Variants in KIAA1958 observed in about 807,000 individuals in gnomAD.
KIAA1958 encodes uncharacterized protein KIAA1958.
In KIAA1958, 14 loss-of-function variants were observed where a neutral mutation model predicts 47.2. The observed-to-expected ratio is 0.30, with a 90% CI of 0.20 to 0.46. The LOEUF is 0.46. KIAA1958 is among the 20% of genes least tolerant of loss of function. The pLI is 1.00. For missense variants in KIAA1958, 803 were observed against 909.2 expected, an observed-to-expected ratio of 0.88 and a Z score of 1.50; for synonymous variants, 354 against 353.3, an observed-to-expected ratio of 1.00 and a Z score of -0.02.
intron 1 of KIAA1958, among the ~76,000 whole-genome samples, chr9:112,507,776 T>G (rs765381865): frequency 6.6e-6 from 1 of 151,856 alleles, no homozygotes; most frequent in Non-Finnish European, 1.5e-5. Flanking sequence ...CTCTCTTTCT[T>G]TCTTTCTTTC....
Position 112,663,629 on chromosome 9 carries a change from T to A in KIAA1958, c.*3560T>A, listed in dbSNP as rs2131258681. Reference sequence around the variant, plus strand: ...CAAGTGAAGGAAGAACAGAAAAGCCTTATGGGGCTTTATGAGAAGGTTTTT... The same window carrying A: ...CAAGTGAAGGAAGAACAGAAAAGCCATATGGGGCTTTATGAGAAGGTTTTT... On this transcript the variant is annotated 3_prime_UTR_variant, in exon 4 of 4. Coordinates refer to ENST00000337530, the MANE Select transcript of KIAA1958 (RefSeq NM_133465.4). 2 of 152,258 alleles carry A rather than the reference T, an allele frequency of 1.3e-5. No individual in the cohort carries two copies. The highest frequency in any genetic ancestry group is 4.1e-4 in the South Asian group (2 of 4,822). The allele number at this position is 152,258 out of a possible 1,614,324, so 9.4% of individuals were successfully genotyped here. A position where few individuals can be genotyped will look rare whatever the true frequency, so the allele number is the denominator to read the frequency against.
chr9:112,497,133 G>A (rs1489495707), intron 1 of KIAA1958, among the ~76,000 whole-genome samples: 1 of 152,036 alleles, frequency 6.6e-6, no homozygotes, highest in Non-Finnish European at 1.5e-5. Context: ...TTTCCCCAGT[G>A]GTAACATATT....
In KIAA1958 at chr9:112,618,649, T is replaced by G. The variant is rs1457206613; in HGVS notation, c.1172-27001T>G. On this transcript the variant is annotated intron_variant, in intron 2 of 3. Transcript: ENST00000337530. This position sits in a 1 kb window ranked among gnomAD's most constrained non-coding sequence, Gnocchi z 7.1. ...TCAAGCCAGTCGTGAACCTGGCGGC[T>G]CTGCATTGGTACAACTGCCAGGCCC... The G allele has an allele frequency of 1.9e-6, 3 of 1,550,604 alleles. No individual in the cohort carries two copies. In the African/African-American group the frequency reaches 4.1e-5, roughly 21 times the overall value.
chr9:112,487,403 C>G (rs1002818326), intron 1 of KIAA1958, among the ~76,000 whole-genome samples: 1 of 151,906 alleles, frequency 6.6e-6, no homozygotes, highest in Non-Finnish European at 1.5e-5. Context: ...GGCCGCCCCG[C>G]CGCCCGGCAG....
intron 1 of KIAA1958, among the ~76,000 whole-genome samples, chr9:112,557,811 A>G (rs1588017067): frequency 6.6e-6 from 1 of 152,346 alleles, no homozygotes; most frequent in African/African-American, 2.4e-5. Flanking sequence ...ATAAAATTCA[A>G]CAGCTTTTCC....
At chr9:112,526,257 ATTT>A (rs11326472) in intron 1 of KIAA1958, among the ~76,000 whole-genome samples, 1 of 150,430 alleles carries the variant, frequency 6.6e-6, no homozygotes, top group Non-Finnish European at 1.5e-5. Flanking sequence ...AAACTGGGTA[ATTT>A]TTTTTTTTCT....
chr9:112,537,225 C>G (rs1834870231), intron 1 of KIAA1958, among the ~76,000 whole-genome samples: 1 of 152,118 alleles, frequency 6.6e-6, no homozygotes, highest in South Asian at 2.1e-4. Context: ...CCCGCCTCAG[C>G]CTCCCGAGTA....
At chr9:112,511,395 G>A (rs746308027) in intron 1 of KIAA1958, among the ~76,000 whole-genome samples, 10 of 152,198 alleles carry the variant, frequency 6.6e-5, no homozygotes, top group Non-Finnish European at 1.2e-4. Flanking sequence ...GGATCCATCC[G>A]AGCTTAGTGG....
intron 3 of KIAA1958, among the ~76,000 whole-genome samples, chr9:112,646,149 T>A (rs990770658): frequency 6.6e-6 from 1 of 151,996 alleles, no homozygotes; most frequent in African/African-American, 2.4e-5. Context: ...GGGAGCCTTC[T>A]AGGCTGAGTG....
Position 112,661,193 on chromosome 9 carries a change from C to G in KIAA1958, c.*1124C>G, listed in dbSNP as rs1837271398. ...CTTGGGACACGATGATTTAGGCACC[C>G]CACCAGGTAAGCAAACTCAGCATTA... is the stretch of plus-strand genomic sequence containing the variant. On this transcript the variant is annotated 3_prime_UTR_variant, in exon 4 of 4. Transcript: ENST00000337530. The G allele has an allele frequency of 6.6e-6, 1 of 152,120 alleles. No individual in the cohort carries two copies. The highest frequency in any genetic ancestry group is 2.4e-5 in the African/African-American group (1 of 41,412). The allele number at this position is 152,120 out of a possible 1,614,324, so 9.4% of individuals were successfully genotyped here.
At chr9:112,563,553 C>T (rs1835375038) in intron 1 of KIAA1958, among the ~76,000 whole-genome samples, 1 of 150,606 alleles carries the variant, frequency 6.6e-6, no homozygotes, top group East Asian at 2.0e-4. Context: ...AATAATTGAG[C>T]TCTTAATATT....
intron 2 of KIAA1958, among the ~76,000 whole-genome samples, chr9:112,592,602 A>G (rs1835943372): frequency 6.6e-6 from 1 of 152,220 alleles, no homozygotes; most frequent in South Asian, 2.1e-4. Flanking sequence ...ATTGATAACT[A>G]TTAGCTGCTG....
chr9:112,569,253 G>A (rs756810347), intron 1 of KIAA1958, among the ~76,000 whole-genome samples: 1 of 152,148 alleles, frequency 6.6e-6, no homozygotes, highest in African/African-American at 2.4e-5. Flanking sequence ...TCTGTATTGT[G>A]AGTAGGTGGA....
At chr9:112,634,924 ATCAGTCACATT>A (rs1836777549) in intron 2 of KIAA1958, among the ~76,000 whole-genome samples, 1 of 151,910 alleles carries the variant, frequency 6.6e-6, no homozygotes, top group Non-Finnish European at 1.5e-5. Context: ...TTATTGTTTT[ATCAGTCACATT>A]TAAGTCATGA....
At chr9:112,645,034 C>T (rs1836952502) in intron 2 of KIAA1958, among the ~76,000 whole-genome samples, 1 of 151,684 alleles carries the variant, frequency 6.6e-6, no homozygotes, top group Admixed American at 6.6e-5. Flanking sequence ...ACTTGGGAGG[C>T]TGAGGCAGGA....
At chr9:112,488,369 A>T (rs1051721929) in intron 1 of KIAA1958, among the ~76,000 whole-genome samples, 3 of 152,212 alleles carry the variant, frequency 2.0e-5, no homozygotes, top group African/African-American at 7.2e-5. Context: ...AAGTTTCTTC[A>T]TGAACGGTTG....
At chr9:112,546,236 C>T (rs1399144055) in intron 1 of KIAA1958, among the ~76,000 whole-genome samples, 1 of 152,198 alleles carries the variant, frequency 6.6e-6, no homozygotes, top group East Asian at 1.9e-4. Context: ...AATACATTAG[C>T]ATACTAGAGG....
intron 1 of KIAA1958, among the ~76,000 whole-genome samples, chr9:112,496,417 GTA>G (rs1458821476): frequency 1.3e-5 from 2 of 152,222 alleles, no homozygotes; most frequent in Admixed American, 6.5e-5. Context: ...CCTTGGGAGA[GTA>G]TTGATGAGAA....
intron 2 of KIAA1958, among the ~76,000 whole-genome samples, chr9:112,620,800 G>GA (rs140344058): frequency 8.8e-4 from 127 of 143,992 alleles, no homozygotes; most frequent in African/African-American, 2.6e-3. Context: ...TAAAAAAAAA[G>GA]AAAAAAAAAA....
Sources: gnomAD v4.1 joint callset for allele counts (sites outside exome capture counted in the v4.1 genomes callset) on GRCh38, gnomAD v4.1.1 for gene constraint, Gnocchi (gnomAD v3.1) non-coding constraint, MANE v1.5 for transcripts, NCBI Gene and HGNC (gene_info 2026-07-23, HGNC 2026-07-21) for gene names.